Variants in PTPRN2 observed in about 807,000 individuals in gnomAD.
PTPRN2 encodes the protein protein tyrosine phosphatase receptor type N2, also known as receptor-type tyrosine-protein phosphatase N2.
In PTPRN2, 74 loss-of-function variants were observed where a neutral mutation model predicts 118.8. That is an observed-to-expected ratio of 0.62 (90% CI 0.52 to 0.76). PTPRN2 has a LOEUF of 0.76. Among genes scored for constraint, PTPRN2 ranks in the 30% least tolerant of loss-of-function variants. The probability of loss-of-function intolerance (pLI) is 0.00; values close to 1 mark genes in which losing one functional copy is unlikely to be tolerated. For synonymous variants in PTPRN2, 641 were observed against 608.0 expected (o/e 1.05, Z -0.80); for missense variants, 1,481 against 1,394.4 (o/e 1.06, Z -0.99).
At chr7:158,269,988 C>G (rs1798201634) in intron 3 of PTPRN2, among the ~76,000 whole-genome samples, 1 of 152,176 alleles carries the variant, frequency 6.6e-6, no homozygotes, top group Non-Finnish European at 1.5e-5. Flanking sequence ...AGCCAGAGAA[C>G]AGCAGAGACA....
rs1006911347 is a variant in PTPRN2, at chr7:158,068,590, G to C, written c.1723+12708C>G. Among the ~76,000 whole-genome samples, 7 of 152,334 alleles carry C rather than the reference G, an allele frequency of 4.6e-5. No individual in the cohort carries two copies. In the South Asian group the frequency reaches 1.5e-3, roughly 32 times the overall value. On this transcript the variant is annotated intron_variant, in intron 11 of 22. Coordinates refer to ENST00000389418, the MANE Select transcript of PTPRN2 (RefSeq NM_002847.5). ...CACTGGAACCGGGTGCCTATTGAAT[G>C]TGAGCACTCAGCCCAAATCATCACT...
At chr7:158,414,572 C>A (rs1450828985) in intron 2 of PTPRN2, among the ~76,000 whole-genome samples, 1 of 152,222 alleles carries the variant, frequency 6.6e-6, no homozygotes, top group Non-Finnish European at 1.5e-5. Flanking sequence ...ACTGAGAATT[C>A]CCATTAGGAA....
chr7:157,887,558 TCCCAG>T (rs1796540794), intron 12 of PTPRN2, among the ~76,000 whole-genome samples: 1 of 11,478 alleles, frequency 8.7e-5, no homozygotes, highest in Non-Finnish European at 1.4e-4. Context: ...CAGTACCTGC[TCCCAG>T]TACATGGTCC....
intron 12 of PTPRN2, among the ~76,000 whole-genome samples, chr7:157,880,315 C>T (rs532624416): frequency 5.9e-5 from 9 of 152,286 alleles, no homozygotes; most frequent in South Asian, 2.1e-4. Flanking sequence ...TTACTCTACC[C>T]GCCGCACACC....
chr7:158,341,474 C>G (rs1219902752), intron 2 of PTPRN2, among the ~76,000 whole-genome samples: 46 of 144,174 alleles, frequency 3.2e-4, no homozygotes, highest in African/African-American at 1.2e-3. Context: ...CATTCACACC[C>G]ACACTCTCAC....
intron 14 of PTPRN2, among the ~76,000 whole-genome samples, chr7:157,652,623 T>A (rs76477136): frequency 0.028 from 4,320 of 152,042 alleles, 188 homozygotes; most frequent in African/African-American, 0.097. Context: ...AGACGTGTGC[T>A]CTCCCTCTTG....
chr7:158,301,538 G>A (rs908304958), intron 3 of PTPRN2, among the ~76,000 whole-genome samples: 1 of 152,212 alleles, frequency 6.6e-6, no homozygotes, highest in Non-Finnish European at 1.5e-5. Context: ...GCTGGTTTGA[G>A]TTATGTGAAC....
At chr7:157,836,249 G>A (rs1807924380) in intron 12 of PTPRN2, among the ~76,000 whole-genome samples, 6 of 152,254 alleles carry the variant, frequency 3.9e-5, no homozygotes, top group Admixed American at 3.9e-4. Flanking sequence ...GGTGTTAAGT[G>A]AGTGGATGAT....
In PTPRN2 at chr7:157,868,368, C is replaced by T. The variant is rs77112802; in HGVS notation, c.1788+30305G>A. On this transcript the variant is annotated intron_variant, in intron 12 of 22. Coordinates refer to ENST00000389418, the MANE Select transcript of PTPRN2 (RefSeq NM_002847.5). The surrounding 1 kb of genome is among the most constrained non-coding windows in gnomAD (Gnocchi z 5.2). The stretch of plus-strand genomic sequence containing the variant: ...CATCATCTCCACGATGAACGTAGGA[C>T]ACCAGGACATTGGATCTCTGCGGGG... 7.2e-3 allele frequency among the ~76,000 whole-genome samples: 1,102 copies of T among 152,280 alleles called. 51 individuals carry two copies. In the East Asian group the frequency reaches 0.13, roughly 17 times the overall value.
chr7:157,956,144 G>T (rs2128805869), intron 11 of PTPRN2, among the ~76,000 whole-genome samples: 1 of 152,298 alleles, frequency 6.6e-6, no homozygotes, highest in Non-Finnish European at 1.5e-5. Context: ...TGTTTGATGA[G>T]AAAAGCCTAG....
At chr7:157,898,370 A>AG (rs1034294212) in intron 12 of PTPRN2, among the ~76,000 whole-genome samples, 53 of 152,358 alleles carry the variant, frequency 3.5e-4, no homozygotes, top group African/African-American at 1.2e-3. Flanking sequence ...AAACAGCTGA[A>AG]GAAGGAAGGA....
chr7:157,585,452 T>C lies in PTPRN2; in HGVS notation c.2497-7312A>G, dbSNP rs935447912. On this transcript the variant is annotated intron_variant, in intron 17 of 22. Coordinates refer to ENST00000389418, the MANE Select transcript of PTPRN2 (RefSeq NM_002847.5). The surrounding 1 kb of genome is among the most constrained non-coding windows in gnomAD (Gnocchi z 5.2). ...GGCTTGGTGTGGCCATCCTGCCGCA[T>C]AGGGGTTCCCACGGTGGGAATGCAC... Among the ~76,000 whole-genome samples the C allele has an allele frequency of 1.3e-5, 2 of 152,158 alleles. No individual in the cohort carries two copies. Among genetic ancestry groups the C allele is most frequent in the African/African-American group, 2.4e-5 (1 of 41,446 alleles).
At chr7:158,085,447 ACACG>A in intron 10 of PTPRN2, among the ~76,000 whole-genome samples, 1 of 24,788 alleles carries the variant, frequency 4.0e-5, no homozygotes, top group Admixed American at 6.8e-4. Flanking sequence ...ACGCCCATCC[ACACG>A]GATGCCCATA....
At position 158,381,691 on chromosome 7, in the gene PTPRN2, A is replaced by G. The variant is rs993678563; in HGVS notation, c.164-64759T>C. Among the ~76,000 whole-genome samples the G allele has an allele frequency of 1.1e-4, 16 of 152,100 alleles. 1 individual carries two copies. Among genetic ancestry groups the G allele is most frequent in the Admixed American group, 9.8e-4 (15 of 15,260 alleles). On this transcript the variant is annotated intron_variant, in intron 2 of 22. Coordinates refer to ENST00000389418, the MANE Select transcript of PTPRN2 (RefSeq NM_002847.5). ...GCAGTGCCCCACTCTACCGGTACCA[A>G]TTTACTGTATTAGTCTGTTTTCATG...
intron 12 of PTPRN2, among the ~76,000 whole-genome samples, chr7:157,895,046 A>ACC (rs11455057): frequency 0.12 from 17,786 of 148,134 alleles, 1,317 homozygotes; most frequent in East Asian, 0.2. Flanking sequence ...ACAAAAGAGG[A>ACC]CCCCTCCCCC....
chr7:157,671,776 T>A lies in PTPRN2; in HGVS notation c.2001+10949A>T, dbSNP rs111670620. On this transcript the variant is annotated intron_variant, in intron 13 of 22. Transcript: ENST00000389418. This position sits in a 1 kb window ranked among gnomAD's most constrained non-coding sequence, Gnocchi z 4.1. ...AAACTGATCTGAGTGACACCTGAAC[T>A]GCACAAGGCCTGAAGGACGCCCTGA... Among the ~76,000 whole-genome samples, 802 of 152,176 alleles carry A rather than the reference T, an allele frequency of 5.3e-3. 5 individuals are homozygous for A. The highest frequency in any genetic ancestry group is 0.01 in the Middle Eastern group (3 of 294).
Position 158,116,055 on chromosome 7 carries a change from G to A in PTPRN2, c.1557-5140C>T, listed in dbSNP as rs192546546. On this transcript the variant is annotated intron_variant, in intron 9 of 22. Coordinates refer to ENST00000389418, the MANE Select transcript of PTPRN2 (RefSeq NM_002847.5). ...GCGGTGAAGTAAGGACCTCACCCAC[G>A]TGGGGTAGGCTTTGGCTACTGCACC... Among the ~76,000 whole-genome samples the A allele has an allele frequency of 1.3e-3, 193 of 152,304 alleles. 1 individual carries two copies. The highest frequency in any genetic ancestry group is 4.5e-3 in the African/African-American group (185 of 41,568).
chr7:158,123,324 T>C (rs1817328115), intron 9 of PTPRN2, among the ~76,000 whole-genome samples: 2 of 151,948 alleles, frequency 1.3e-5, no homozygotes, highest in South Asian at 4.2e-4. Context: ...GCTGGGGAGG[T>C]GCCCTGACCA....
chr7:158,084,124 C>A (rs1482700433), intron 10 of PTPRN2, among the ~76,000 whole-genome samples: 3 of 152,190 alleles, frequency 2.0e-5, no homozygotes, highest in African/African-American at 7.2e-5. Flanking sequence ...TTTCAATAAA[C>A]TCTGGTGGCC....
Sources: gnomAD v4.1 joint callset for allele counts (sites outside exome capture counted in the v4.1 genomes callset) on GRCh38, gnomAD v4.1.1 for gene constraint, Gnocchi (gnomAD v3.1) non-coding constraint, MANE v1.5 for transcripts, NCBI Gene and HGNC (gene_info 2026-07-23, HGNC 2026-07-21) for gene names.